The following ENPP7 variants were observed in gnomAD, a reference collection of about 807,000 sequenced individuals.
The protein encoded by ENPP7 is ectonucleotide pyrophosphatase/phosphodiesterase family member 7.
Under a neutral mutation model 33.6 loss-of-function variants are expected in ENPP7, and 39 were observed. The observed-to-expected ratio is 1.16, with a 90% confidence interval of 0.90 to 1.52. The LOEUF is 1.52. Ranked by LOEUF, ENPP7 falls within the 40% of genes most tolerant of loss-of-function variation. The pLI is 0.00. For missense variants in ENPP7, 594 were observed against 641.0 expected, an observed-to-expected ratio of 0.93 and a Z score of 0.79; for synonymous variants, 244 against 274.3, an observed-to-expected ratio of 0.89 and a Z score of 1.09.
rs150543027 is a variant in ENPP7 at position 79,733,142 on chromosome 17, T to G, written c.254-366T>G. 4.5e-3 allele frequency among the ~76,000 whole-genome samples: 678 copies of G among 152,320 alleles called. 6 individuals are homozygous for G. Among genetic ancestry groups the G allele is most frequent in the African/African-American group, 0.016 (649 of 41,574 alleles). On this transcript the variant is annotated intron_variant, in intron 1 of 5. Coordinates refer to ENST00000328313, the MANE Select transcript of ENPP7 (RefSeq NM_178543.5). ...GCCATCATTTATTTAATGAGTTCCT[T>G]CCTGACGGCCGTGGAGGTCACCCGC...
In ENPP7 at chr17:79,737,064, T is replaced by G; in HGVS notation, c.1050T>G (p.Asn350Lys). Reference sequence around the variant, plus strand: ...AGAGAATTAACGTCCAGTTCAACAATGGGGAGCACGGCTTTGACAACAAGG... The same window carrying G: ...AGAGAATTAACGTCCAGTTCAACAAGGGGGAGCACGGCTTTGACAACAAGG... ...IHGRINVQFN[N>K]GEHGFDNKDM... The change falls in exon 4 of 6, where the codon AAT (asparagine) becomes AAG (lysine). Residue 350 changes from asparagine (N) to lysine (K), a missense_variant. Physicochemically the swap from Asn to Lys is moderately conservative, Grantham distance 94. Coordinates refer to ENST00000328313, the MANE Select transcript of ENPP7 (RefSeq NM_178543.5). This position sits in a 1 kb window ranked among gnomAD's most constrained non-coding sequence, Gnocchi z 5.5. 6.2e-7 allele frequency: 1 copy of G among 1,614,014 alleles called. No homozygotes were observed. Among genetic ancestry groups the G allele is most frequent in the Non-Finnish European group, 8.5e-7 (1 of 1,179,994 alleles).
chr17:79,738,717 G>T lies in ENPP7; in HGVS notation c.*16+655G>T, dbSNP rs1339711534. On this transcript the variant is annotated intron_variant, in intron 5 of 5. Transcript: ENST00000328313. This position sits in a 1 kb window ranked among gnomAD's most constrained non-coding sequence, Gnocchi z 6.2. Reference sequence around the variant, plus strand: ...TCTGGAAGCCCACCTCCAAGGACACGCATGGGGTGCGTTTGGGAGGAGAGC... The same window carrying T: ...TCTGGAAGCCCACCTCCAAGGACACTCATGGGGTGCGTTTGGGAGGAGAGC... The T allele has an allele frequency of 1.4e-5, 2 of 147,266 alleles. No homozygotes were observed. Among genetic ancestry groups the T allele is most frequent in the Non-Finnish European group, 3.0e-5 (2 of 67,026 alleles). 9.1% of individuals were successfully genotyped at this position (147,266 alleles called of 1,614,324 possible).
At chr17:79,732,138 A>ATATATATACACACATATATATATATGTG (rs2094287405) in intron 1 of ENPP7, among the ~76,000 whole-genome samples, 1 of 48,962 alleles carries the variant, frequency 2.0e-5, no homozygotes, top group Non-Finnish European at 3.6e-5. Context: ...ATATGTATAT[A>ATATATATACACACATATATATATATGTG]TATATATATA....
intron 1 of ENPP7, among the ~76,000 whole-genome samples, chr17:79,732,502 C>T (rs193030142): frequency 6.6e-6 from 1 of 152,180 alleles, no homozygotes; most frequent in Non-Finnish European, 1.5e-5. Context: ...GAAGGCCAAA[C>T]CCAGGGCATT....
Position 79,737,738 on chromosome 17 carries a change from G to A in ENPP7, c.1247-178G>A, listed in dbSNP as rs1220264559. Among the ~76,000 whole-genome samples, 3 of 152,302 alleles carry A rather than the reference G, an allele frequency of 2.0e-5. No individual in the cohort carries two copies. Among genetic ancestry groups the A allele is most frequent in the Admixed American group, 6.5e-5 (1 of 15,302 alleles). ...GGCGGGGGCCTGGCTGGAGAGGGGTGGGCTCTACTGAGCAGGGCTATGAAG... is the reference window on the plus strand; with the variant it reads ...GGCGGGGGCCTGGCTGGAGAGGGGTAGGCTCTACTGAGCAGGGCTATGAAG... On this transcript the variant is annotated intron_variant, in intron 4 of 5. Transcript: ENST00000328313. The surrounding 1 kb of genome is among the most constrained non-coding windows in gnomAD (Gnocchi z 5.5).
At position 79,731,204 on chromosome 17, in the gene ENPP7, C is replaced by G. The variant is rs782796067; in HGVS notation, c.65C>G (p.Ala22Gly). The change falls in exon 1 of 6, where the codon GCA (alanine) becomes GGA (glycine). Residue 22 changes from alanine to glycine, a missense_variant. Physicochemically the swap from Ala to Gly is moderately conservative, Grantham distance 60. Coordinates refer to ENST00000328313, the MANE Select transcript of ENPP7 (RefSeq NM_178543.5). ...ACGCTCCTGGCTCCCGGGGCCGGAG[C>G]ACCGGTACAAAGTCAGGGCTCCCAG... ...LATLLAPGAGAPVQSQGSQNK... is the reference protein window; with the variant it reads ...LATLLAPGAGGPVQSQGSQNK... The G allele has an allele frequency of 1.1e-5, 18 of 1,612,154 alleles. No homozygotes were observed. Among genetic ancestry groups the G allele is most frequent in the Non-Finnish European group, 1.4e-5 (17 of 1,179,904 alleles).
In ENPP7 at chr17:79,737,477, G is replaced by A. The variant is rs1310774825; in HGVS notation, c.1246+217G>A. On this transcript the variant is annotated intron_variant, in intron 4 of 5. Transcript: ENST00000328313. The surrounding 1 kb of genome is among the most constrained non-coding windows in gnomAD (Gnocchi z 5.5). ...CGGCACGAGAGGGCGAGGGGGAGGAGTGGGCAGTCTTGCTCAAGAAGGGGC... is the reference window on the plus strand; with the variant it reads ...CGGCACGAGAGGGCGAGGGGGAGGAATGGGCAGTCTTGCTCAAGAAGGGGC... 1.3e-5 allele frequency among the ~76,000 whole-genome samples: 2 copies of A among 152,220 alleles called. No individual in the cohort carries two copies. The highest frequency in any genetic ancestry group is 2.9e-5 in the Non-Finnish European group (2 of 68,038).
intron 1 of ENPP7, among the ~76,000 whole-genome samples, chr17:79,732,150 A>G (rs2094287610): frequency 3.4e-5 from 1 of 29,046 alleles, no homozygotes; most frequent in Non-Finnish European, 5.7e-5. Context: ...ATATATATAT[A>G]CACACACATA....
rs2094294667 is a variant in ENPP7, at chr17:79,735,798, C to G, written c.1026+129C>G. ...GGAGTGCAATGGCAGGATCTCAGCTCACTGCAGCCTTAAACTCCCAGACTC... is the reference window on the plus strand; with the variant it reads ...GGAGTGCAATGGCAGGATCTCAGCTGACTGCAGCCTTAAACTCCCAGACTC... On this transcript the variant is annotated intron_variant, in intron 3 of 5. Transcript: ENST00000328313. The surrounding 1 kb of genome is among the most constrained non-coding windows in gnomAD (Gnocchi z 5.5). 1.2e-6 allele frequency: 1 copy of G among 851,698 alleles called. No homozygotes were observed. The highest frequency in any genetic ancestry group is 1.8e-6 in the Non-Finnish European group (1 of 561,090). 52.8% of individuals were successfully genotyped at this position (851,698 alleles called of 1,614,324 possible). A position where few individuals can be genotyped will look rare whatever the true frequency, so the allele number is the denominator to read the frequency against.
intron 1 of ENPP7, among the ~76,000 whole-genome samples, 181 bp downstream of exon 1, chr17:79,731,573 A>G (rs1171927377): frequency 7.2e-5 from 11 of 152,044 alleles, no homozygotes; most frequent in African/African-American, 2.7e-4. Flanking sequence ...AAAAATGACC[A>G]GGGGGGTCCT....
chr17:79,737,391 AC>A lies in ENPP7; in HGVS notation c.1246+133del. 1.4e-6 allele frequency: 1 copy of A among 704,042 alleles called. No individual in the cohort carries two copies. The highest frequency in any genetic ancestry group is 2.4e-6 in the Non-Finnish European group (1 of 414,120). The allele number at this position is 704,042 out of a possible 1,614,324, so 43.6% of individuals were successfully genotyped here. On this transcript the variant is annotated intron_variant, in intron 4 of 5. Coordinates refer to ENST00000328313, the MANE Select transcript of ENPP7 (RefSeq NM_178543.5). The surrounding 1 kb of genome is among the most constrained non-coding windows in gnomAD (Gnocchi z 5.5). ...GCCACCTCCCCTGGCTTTGGAGAAC[AC>A]CAGAATCTCTCACATTCCCACAACA... is the stretch of plus-strand genomic sequence containing the variant.
chr17:79,737,957 A>G lies in ENPP7; in HGVS notation c.1288A>G (p.Lys430Glu), dbSNP rs369001550. 7.4e-6 allele frequency: 12 copies of G among 1,613,718 alleles called. No individual in the cohort carries two copies. In the African/African-American group the frequency reaches 1.5e-4, roughly 20 times the overall value. ...TGATGGAAGGCCTACTCTCCTGCCCAAGGGAAGATCTGCTCTCCCGCCCAG... is the reference window on the plus strand; with the variant it reads ...TGATGGAAGGCCTACTCTCCTGCCCGAGGGAAGATCTGCTCTCCCGCCCAG... Reference protein sequence around the residue: ...PPDGRPTLLPKGRSALPPSSR... With the variant: ...PPDGRPTLLPEGRSALPPSSR... Residue 430 changes from lysine (K) to glutamate (E), a missense_variant, in exon 5 of 6, where the codon AAG (lysine) becomes GAG (glutamate). Lys to Glu is a moderately conservative substitution (Grantham distance 56, BLOSUM62 1). Transcript: ENST00000328313. This position sits in a 1 kb window ranked among gnomAD's most constrained non-coding sequence, Gnocchi z 5.5.
Position 79,740,362 on chromosome 17 carries a change from C to A in ENPP7, c.*17-1432C>A, listed in dbSNP as rs140749281. On this transcript the variant is annotated intron_variant, in intron 5 of 5. Transcript: ENST00000328313. The stretch of plus-strand genomic sequence containing the variant: ...CTCAGGCAGACGAGGATGCTGGAAC[C>A]CAGAGGCGTTAGCTGACTGGTCCAA... 9.2e-5 allele frequency among the ~76,000 whole-genome samples: 14 copies of A among 152,268 alleles called. 1 individual carries two copies. The East Asian group carries it at 2.7e-3, about 29-fold the overall frequency.
In ENPP7 at chr17:79,739,774, A is replaced by G. The variant is rs908181778; in HGVS notation, c.*16+1712A>G. Among the ~76,000 whole-genome samples, 1 of 152,242 alleles carries G rather than the reference A, an allele frequency of 6.6e-6. No individual in the cohort carries two copies. The highest frequency in any genetic ancestry group is 1.5e-5 in the Non-Finnish European group (1 of 68,044). On this transcript the variant is annotated intron_variant, in intron 5 of 5. Transcript: ENST00000328313. The surrounding 1 kb of genome is among the most constrained non-coding windows in gnomAD (Gnocchi z 4.4). ...TTTAAATTTGAGACTTGTCAACACA[A>G]GCTATGGGACTCAATGAAAGCCCCC...
Position 79,737,853 on chromosome 17 carries a change from T to A in ENPP7, c.1247-63T>A. Reference sequence around the variant, plus strand: ...GACCAACAGAGGACCCCGAGTTTACTGTGGAGAGGCTGGGGTGAGGAGCCA... The same window carrying A: ...GACCAACAGAGGACCCCGAGTTTACAGTGGAGAGGCTGGGGTGAGGAGCCA... On this transcript the variant is annotated intron_variant, in intron 4 of 5. Transcript: ENST00000328313. This position sits in a 1 kb window ranked among gnomAD's most constrained non-coding sequence, Gnocchi z 5.5. The A allele has an allele frequency of 6.3e-7, 1 of 1,578,514 alleles. No homozygotes were observed. Among genetic ancestry groups the A allele is most frequent in the Non-Finnish European group, 8.7e-7 (1 of 1,152,468 alleles).
At chr17:79,732,151 C>CATAT (rs2094287721) in intron 1 of ENPP7, among the ~76,000 whole-genome samples, 80 of 25,688 alleles carry the variant, frequency 3.1e-3, no homozygotes, top group South Asian at 5.1e-3. Context: ...TATATATATA[C>CATAT]ACACACATAT....
rs782159990 is a variant in ENPP7, at chr17:79,737,171, A to G, written c.1157A>G (p.His386Arg). 9.3e-6 allele frequency: 15 copies of G among 1,613,670 alleles called. No homozygotes were observed. In the East Asian group the frequency reaches 3.3e-4, roughly 36 times the overall value. Residue 386 changes from histidine (H) to arginine (R), a missense_variant, in exon 4 of 6, where the codon CAC becomes CGC. By Grantham distance (29) the His-to-Arg change is conservative. Coordinates refer to ENST00000328313, the MANE Select transcript of ENPP7 (RefSeq NM_178543.5). This position sits in a 1 kb window ranked among gnomAD's most constrained non-coding sequence, Gnocchi z 5.5. ...GAGGTGGAGCCCTTTGAGAGCGTCC[A>G]CGTGTACGAGCTCATGTGCCGGCTG... ...GLEVEPFESV[H>R]VYELMCRLLG...
intron 1 of ENPP7, among the ~76,000 whole-genome samples, chr17:79,732,005 G>A (rs2094286300): frequency 6.6e-6 from 1 of 151,382 alleles, no homozygotes; most frequent in African/African-American, 2.4e-5. Flanking sequence ...GGCTGAGACA[G>A]GAGAATTGCA....
In ENPP7 at chr17:79,733,611, G is replaced by A. The variant is rs782287883; in HGVS notation, c.357G>A (p.Trp119Ter). The change falls in exon 2 of 6, where the codon TGG becomes TGA. Residue 119 changes from tryptophan to a stop codon, truncating the protein, a stop_gained. Transcript: ENST00000328313. LOFTEE classifies it high-confidence loss of function. Reference protein sequence around the residue: ...YHATLGIQRWWDNGSVPIWIT... With the variant: ...YHATLGIQRW ...CCACGCTGGGCATCCAGAGGTGGTG[G>A]GACAACGGCAGCGTGCCCATCTGGA... 3.7e-6 allele frequency: 6 copies of A among 1,613,264 alleles called. No individual in the cohort carries two copies. Among genetic ancestry groups the A allele is most frequent in the South Asian group, 1.1e-5 (1 of 91,062 alleles).
Sources: gnomAD v4.1 joint callset for allele counts (sites outside exome capture counted in the v4.1 genomes callset) on GRCh38, gnomAD v4.1.1 for gene constraint, Gnocchi (gnomAD v3.1) non-coding constraint, MANE v1.5 for transcripts, NCBI Gene and HGNC (gene_info 2026-07-23, HGNC 2026-07-21) for gene names.